The following PLXNB1 variants were observed in gnomAD, a reference collection of about 807,000 sequenced individuals.
The protein encoded by PLXNB1 is plexin-B1.
Under a neutral mutation model 209.4 loss-of-function variants are expected in PLXNB1, and 106 were observed. The observed-to-expected ratio is 0.51, with a 90% CI of 0.43 to 0.59. PLXNB1 has a LOEUF of 0.59. Among genes scored for constraint, PLXNB1 ranks in the 20% least tolerant of loss-of-function variants. The probability of loss-of-function intolerance (pLI) is 0.00; values close to 1 mark genes in which losing one functional copy is unlikely to be tolerated. For missense variants in PLXNB1, 2,357 were observed against 2,853.2 expected (o/e 0.83, Z 3.96); for synonymous variants, 1,167 against 1,183.2 (o/e 0.99, Z 0.28).
Position 48,406,746 on chromosome 3 carries a change from A to G in PLXNB1, c.6228+77T>C. 10 of 1,514,142 alleles carry G rather than the reference A, an allele frequency of 6.6e-6. No individual in the cohort carries two copies. The highest frequency in any genetic ancestry group is 2.3e-4 in the Middle Eastern group (1 of 4,346). The allele number at this position is 1,514,142 out of a possible 1,614,324, so 93.8% of individuals were successfully genotyped here. A position where few individuals can be genotyped will look rare whatever the true frequency, so the allele number is the denominator to read the frequency against. ...TGAGGTTCCCAAGGGCTTCCCTGCA[A>G]AGGGGCAGTGTGAAGGGGGAAGGAC... is the stretch of plus-strand genomic sequence containing the variant. On this transcript the variant is annotated intron_variant, in intron 36 of 37. Coordinates refer to ENST00000296440, the MANE Select transcript of PLXNB1 (RefSeq NM_001130082.3). The surrounding 1 kb of genome is among the most constrained non-coding windows in gnomAD (Gnocchi z 4.4).
Position 48,419,503 on chromosome 3 carries a change from T to A in PLXNB1, c.2709+74A>T, listed in dbSNP as rs1359992332. The A allele has an allele frequency of 1.9e-5, 29 of 1,519,664 alleles. No homozygotes were observed. The highest frequency in any genetic ancestry group is 2.5e-5 in the Non-Finnish European group (28 of 1,123,138). 94.1% of individuals were successfully genotyped at this position (1,519,664 alleles called of 1,614,324 possible). A position where few individuals can be genotyped will look rare whatever the true frequency, so the allele number is the denominator to read the frequency against. On this transcript the variant is annotated intron_variant, in intron 11 of 37. Transcript: ENST00000296440. This position sits in a 1 kb window ranked among gnomAD's most constrained non-coding sequence, Gnocchi z 5.7. ...CCCCTCACCTCCTCCCAGTGCAGAA[T>A]CACAAGGCAAGCTAGGGGTAGCATC...
rs3806715 is a variant in PLXNB1 at position 48,426,408 on chromosome 3, C to T, written c.-59-1075G>A. Reference sequence around the variant, plus strand: ...ATGCATCTCAGACTGGGAGACACTTCCCCTACTTGCCTGTGCCCAGGCCAC... The same window carrying T: ...ATGCATCTCAGACTGGGAGACACTTTCCCTACTTGCCTGTGCCCAGGCCAC... On this transcript the variant is annotated intron_variant, in intron 1 of 37. Coordinates refer to ENST00000296440, the MANE Select transcript of PLXNB1 (RefSeq NM_001130082.3). 5.9e-5 allele frequency among the ~76,000 whole-genome samples: 9 copies of T among 152,364 alleles called. No homozygotes were observed. The East Asian group carries it at 1.7e-3, about 29-fold the overall frequency.
Position 48,416,047 on chromosome 3 carries a change from C to A in PLXNB1, c.3601G>T (p.Asp1201Tyr). The A allele has an allele frequency of 6.2e-7, 1 of 1,603,284 alleles. No homozygotes were observed. The highest frequency in any genetic ancestry group is 8.5e-7 in the Non-Finnish European group (1 of 1,175,258). Residue 1201 changes from aspartate (D) to tyrosine (Y), a missense_variant, in exon 18 of 38, where the codon GAC becomes TAC. Around this residue, in one of 7 missense-constraint regions of PLXNB1, gnomAD observed 743 missense variants for 896.2 expected, o/e 0.83. Coordinates refer to ENST00000296440, the MANE Select transcript of PLXNB1 (RefSeq NM_001130082.3). The surrounding 1 kb of genome is among the most constrained non-coding windows in gnomAD (Gnocchi z 4.1). ...GGCCCTCACAAGTGACAAGGCTGGT[C>A]TCCAACCACCACTCGGATGTCCTCC... is the stretch of plus-strand genomic sequence containing the variant. ...RLEDIRVVVG[D>Y]QPCHLLPEQQ...
At chr3:48,412,154 G>T in intron 27 of PLXNB1, 84 bp downstream of exon 27, 1 of 1,510,394 alleles carries the variant, frequency 6.6e-7, no homozygotes, top group South Asian at 1.1e-5. Context: ...ACAAGTGTCC[G>T]AGCTGCATGG....
chr3:48,413,172 G>T lies in PLXNB1; in HGVS notation c.4536-3C>A. 1 of 1,609,132 alleles carries T rather than the reference G, an allele frequency of 6.2e-7. No individual in the cohort carries two copies. On this transcript the variant is annotated splice_polypyrimidine_tract_variant and splice_region_variant and intron_variant, in intron 23 of 37. Coordinates refer to ENST00000296440, the MANE Select transcript of PLXNB1 (RefSeq NM_001130082.3). The surrounding 1 kb of genome is among the most constrained non-coding windows in gnomAD (Gnocchi z 5.4). ...TCAGGGCCTGCTTGCTCTTCCTCCT[G>T]CTCAGCCCCAGGGTCAGGAGAGGAT...
In PLXNB1 at chr3:48,422,800, C is replaced by T. The variant is rs754215700; in HGVS notation, c.1255G>A (p.Ala419Thr). Residue 419 changes from alanine to threonine, a missense_variant, in exon 4 of 38, where the codon GCT becomes ACT. By Grantham distance (58) the Ala-to-Thr change is moderately conservative. Transcript: ENST00000296440. ...AVTMEDGHTI[A>T]FLGDSQGQLH... ...TGCCCTTGACTATCACCCAGGAAAG[C>T]GATGGTGTGTCCATCTTCCATGGTG... 14 of 1,613,946 alleles carry T rather than the reference C, an allele frequency of 8.7e-6. No homozygotes were observed. Among genetic ancestry groups the T allele is most frequent in the Middle Eastern group, 1.6e-4 (1 of 6,080 alleles).
In PLXNB1 at chr3:48,421,286, A is replaced by T. The variant is rs746523549; in HGVS notation, c.1752T>A (p.Ser584=). Residue 584 remains serine (S), a synonymous_variant, in exon 8 of 38, where the codon TCT becomes TCA. Coordinates refer to ENST00000296440, the MANE Select transcript of PLXNB1 (RefSeq NM_001130082.3). ...EHQSPALLTG[S]GVMCPSPDPS... ...GGTCTGGGGAGGGGCACATCACACC[A>T]GAACCAGTCAGCAGGGCAGGACTCT... 6.2e-7 allele frequency: 1 copy of T among 1,610,290 alleles called. No individual in the cohort carries two copies. Among genetic ancestry groups the T allele is most frequent in the Non-Finnish European group, 8.5e-7 (1 of 1,178,036 alleles).
intron 6 of PLXNB1, 114 bp from the exon 7 acceptor site, chr3:48,421,920 G>C (rs2106937622): frequency 6.8e-7 from 1 of 1,469,678 alleles, no homozygotes; most frequent in Non-Finnish European, 9.1e-7. Flanking sequence ...GGGCATGATA[G>C]AGGCTCCTGT....
chr3:48,423,365 G>A (rs1282320492), intron 3 of PLXNB1, 140 bp downstream of exon 3: 2 of 924,324 alleles, frequency 2.2e-6, no homozygotes, highest in African/African-American at 1.7e-5. Context: ...AGGCAACATA[G>A]GAAGCACTTA....
rs199986420 is a variant in PLXNB1, at chr3:48,409,651, G to A, written c.5859C>T (p.Tyr1953=). Residue 1953 remains tyrosine (Y), a synonymous_variant, in exon 33 of 38, where the codon TAC becomes TAT. Coordinates refer to ENST00000296440, the MANE Select transcript of PLXNB1 (RefSeq NM_001130082.3). The surrounding 1 kb of genome is among the most constrained non-coding windows in gnomAD (Gnocchi z 5.8). The part of the protein sequence containing the change: ...TSRPVPLAVK[Y]FFDLLDEQAQ... The stretch of plus-strand genomic sequence containing the variant: ...CCTGCTCATCCAGCAGGTCAAAGAA[G>A]TACTTCACAGCGAGCGGCACGGGGC... 2.5e-6 allele frequency: 4 copies of A among 1,614,026 alleles called. No homozygotes were observed. The highest frequency in any genetic ancestry group is 1.6e-4 in the Middle Eastern group (1 of 6,062).
Position 48,409,729 on chromosome 3 carries a change from GC to G in PLXNB1, c.5780del (p.Gly1927AlafsTer13). The G allele has an allele frequency of 6.2e-7, 1 of 1,613,282 alleles. No homozygotes were observed. Among genetic ancestry groups the G allele is most frequent in the East Asian group, 2.2e-5 (1 of 44,868 alleles). ...IYLTRLLSMK[G>X]TLQKFVDDLF... is the part of the protein sequence containing the mutation. ...GGTCATCCACGAACTTCTGCAGGGT[GC>G]CCTGTGGGAAGGAAGAAGCAGAGAG... is the stretch of plus-strand genomic sequence containing the variant. On this transcript the variant is annotated frameshift_variant and splice_region_variant, in exon 33 of 38. Coordinates refer to ENST00000296440, the MANE Select transcript of PLXNB1 (RefSeq NM_001130082.3). LOFTEE classifies it high-confidence loss of function. This position sits in a 1 kb window ranked among gnomAD's most constrained non-coding sequence, Gnocchi z 5.8.
In PLXNB1 at chr3:48,413,124, G is replaced by C; in HGVS notation, c.4581C>G (p.Ile1527Met). The change falls in exon 24 of 38, where the codon ATC (isoleucine) becomes ATG (methionine). Residue 1527 changes from isoleucine (I) to methionine (M), a missense_variant. Transcript: ENST00000296440. The surrounding 1 kb of genome is among the most constrained non-coding windows in gnomAD (Gnocchi z 5.4). ...QALRDYKKVQIQLENLESSVR... is the reference protein window; with the variant it reads ...QALRDYKKVQMQLENLESSVR... Reference sequence around the variant, plus strand: ...CACTGCTCTCCAGATTCTCCAGCTGGATCTGAACCTTCTTATAGTCCCTCA... The same window carrying C: ...CACTGCTCTCCAGATTCTCCAGCTGCATCTGAACCTTCTTATAGTCCCTCA... 2 of 1,613,768 alleles carry C rather than the reference G, an allele frequency of 1.2e-6. No individual in the cohort carries two copies. The highest frequency in any genetic ancestry group is 1.7e-6 in the Non-Finnish European group (2 of 1,179,980).
chr3:48,418,554 G>T lies in PLXNB1; in HGVS notation c.2956-12C>A. The T allele has an allele frequency of 1.3e-6, 2 of 1,580,664 alleles. No homozygotes were observed. The highest frequency in any genetic ancestry group is 2.4e-5 in the East Asian group (1 of 42,322). ...GCCTCATAGCTGAGCTGGAGAAATGGGAGTGGGTTCAGAGTCAAGCACTGG... is the reference window on the plus strand; with the variant it reads ...GCCTCATAGCTGAGCTGGAGAAATGTGAGTGGGTTCAGAGTCAAGCACTGG... On this transcript the variant is annotated splice_polypyrimidine_tract_variant and intron_variant, in intron 13 of 37. Transcript: ENST00000296440. The surrounding 1 kb of genome is among the most constrained non-coding windows in gnomAD (Gnocchi z 6.6).
At position 48,412,904 on chromosome 3, in the gene PLXNB1, G is replaced by A. The variant is rs759987692; in HGVS notation, c.4692C>T (p.Pro1564=). The A allele has an allele frequency of 6.2e-7, 1 of 1,614,108 alleles. No homozygotes were observed. Among genetic ancestry groups the A allele is most frequent in the Non-Finnish European group, 8.5e-7 (1 of 1,180,034 alleles). Residue 1564 remains proline, a synonymous_variant, in exon 25 of 38, where the codon CCC becomes CCT. Coordinates refer to ENST00000296440, the MANE Select transcript of PLXNB1 (RefSeq NM_001130082.3). ...LTSDLLGSGI[P]FLDYKVYAER... ...CCGCATACACCTTGTAGTCGAGGAA[G>A]GGGATGCCGCTGCCCAGGAGGTCAC...
At chr3:48,421,506 C>T (rs2038516271) in intron 7 of PLXNB1, 122 bp from the exon 8 acceptor site, 2 of 1,250,666 alleles carry the variant, frequency 1.6e-6, no homozygotes, top group African/African-American at 3.0e-5. Flanking sequence ...TCCCCAAACA[C>T]CCTCTGGCCT....
At position 48,411,064 on chromosome 3, in the gene PLXNB1, G is replaced by C. The variant is rs769226924; in HGVS notation, c.5248-28C>G. On this transcript the variant is annotated intron_variant, in intron 28 of 37. Coordinates refer to ENST00000296440, the MANE Select transcript of PLXNB1 (RefSeq NM_001130082.3). The surrounding 1 kb of genome is among the most constrained non-coding windows in gnomAD (Gnocchi z 4.0). ...GTGCAGGACACACAGGAGCCATCAG[G>C]GTTCATGTGCACTCAGGATGACCAA... 1 of 1,592,284 alleles carries C rather than the reference G, an allele frequency of 6.3e-7. No individual in the cohort carries two copies. Among genetic ancestry groups the C allele is most frequent in the South Asian group, 1.1e-5 (1 of 89,264 alleles).
chr3:48,423,583 C>A lies in PLXNB1; in HGVS notation c.1029G>T (p.Arg343=). Residue 343 remains arginine, a synonymous_variant, in exon 3 of 38, where the codon CGG becomes CGT. Transcript: ENST00000296440. ...ANRTRDACYT[R]EGRAEDGTEV... ...CGGTCCCATCCTCAGCACGACCCTC[C>A]CGGGTGTAGCAGGCATCTCGCGTGC... 2 of 1,614,190 alleles carry A rather than the reference C, an allele frequency of 1.2e-6. No individual in the cohort carries two copies. The highest frequency in any genetic ancestry group is 1.7e-6 in the Non-Finnish European group (2 of 1,180,028).
chr3:48,409,888 T>A lies in PLXNB1; in HGVS notation c.5778+17A>T. 6.5e-7 allele frequency: 1 copy of A among 1,548,840 alleles called. No individual in the cohort carries two copies. Among genetic ancestry groups the A allele is most frequent in the Non-Finnish European group, 8.7e-7 (1 of 1,155,614 alleles). ...CCTCTCAGCCCAGGCCCCACTACCT[T>A]GGCAGCCCCACCCCACCTTCATGGA... On this transcript the variant is annotated intron_variant, in intron 32 of 37. Transcript: ENST00000296440. This position sits in a 1 kb window ranked among gnomAD's most constrained non-coding sequence, Gnocchi z 5.8.
intron 1 of PLXNB1, among the ~76,000 whole-genome samples, chr3:48,426,549 G>A (rs1020568846): frequency 6.6e-6 from 1 of 152,240 alleles, no homozygotes; most frequent in Admixed American, 6.5e-5. Flanking sequence ...GGGTACTCCT[G>A]AGGCTGCCCT....
Sources: gnomAD v4.1 joint callset for allele counts (sites outside exome capture counted in the v4.1 genomes callset) on GRCh38, gnomAD v4.1.1 for gene constraint, gnomAD v4.1.1 regional missense constraint, Gnocchi (gnomAD v3.1) non-coding constraint, MANE v1.5 for transcripts, NCBI Gene and HGNC (gene_info 2026-07-23, HGNC 2026-07-21) for gene names.